The following SMG7 variants were observed in gnomAD, a reference collection of about 807,000 sequenced individuals.
The protein encoded by SMG7 is SMG7 nonsense mediated mRNA decay factor.
SMG7 carries 34 observed loss-of-function variants against 148.2 expected under a neutral mutation model. The ratio of observed to expected loss-of-function variants is 0.23; its 90% CI spans 0.17 to 0.31. The LOEUF (loss-of-function observed/expected upper bound fraction) is 0.31, where lower values mean the gene tolerates loss of function less well. Ranked by LOEUF, SMG7 falls within the 10% of genes least tolerant of loss-of-function variation. SMG7 has a pLI of 1.00. For missense variants in SMG7, 1,114 were observed against 1,408.4 expected, an observed-to-expected ratio of 0.79 and a Z score of 3.35; for synonymous variants, 492 against 515.1, an observed-to-expected ratio of 0.96 and a Z score of 0.61.
chr1:183,477,897 G>C (rs1653070538), intron 1 of SMG7, among the ~76,000 whole-genome samples: 1 of 152,096 alleles, frequency 6.6e-6, no homozygotes, highest in Non-Finnish European at 1.5e-5. Flanking sequence ...TCACTTGTCA[G>C]AAGTTTTGTT....
At chr1:183,485,681 T>TAA (rs1171557700) in intron 1 of SMG7, among the ~76,000 whole-genome samples, 1 of 152,226 alleles carries the variant, frequency 6.6e-6, no homozygotes, top group African/African-American at 2.4e-5. Context: ...TTTTTGTGGA[T>TAA]AACTTCACTG....
chr1:183,497,393 G>A (rs1349276428), intron 1 of SMG7, among the ~76,000 whole-genome samples: 4 of 152,132 alleles, frequency 2.6e-5, no homozygotes. Context: ...AAGTCTCAGT[G>A]TCACATTTAC....
intron 5 of SMG7, 58 bp downstream of exon 5, chr1:183,526,825 A>G (rs951867300): frequency 9.1e-6 from 13 of 1,433,516 alleles, no homozygotes; most frequent in East Asian, 4.7e-5. Flanking sequence ...TGGAATAGTC[A>G]TAGAAAGAAA....
intron 1 of SMG7, among the ~76,000 whole-genome samples, chr1:183,503,937 A>G (rs539058848): frequency 6.6e-6 from 1 of 152,340 alleles, no homozygotes; most frequent in Admixed American, 6.5e-5. Flanking sequence ...TTTCCATTAC[A>G]TAAAACTGCC....
chr1:183,547,682 A>G (rs888127024), intron 18 of SMG7, among the ~76,000 whole-genome samples: 2 of 152,164 alleles, frequency 1.3e-5, no homozygotes, highest in East Asian at 3.8e-4. Context: ...TTTGACTGAC[A>G]TTACTGAACA....
intron 15 of SMG7, 55 bp from the exon 16 acceptor site, chr1:183,544,875 T>C: frequency 2.6e-6 from 4 of 1,563,984 alleles, no homozygotes; most frequent in Non-Finnish European, 2.6e-6. Flanking sequence ...AATGACTTTT[T>C]TTGCAATTTT....
chr1:183,525,017 G>C (rs139318105), intron 4 of SMG7, among the ~76,000 whole-genome samples: 17 of 152,044 alleles, frequency 1.1e-4, no homozygotes, highest in African/African-American at 3.1e-4. Flanking sequence ...TTGTTTACTG[G>C]GTGTCTGATA....
At chr1:183,538,511 T>G (rs774608021) in intron 12 of SMG7, 71 bp downstream of exon 12, 47 of 1,055,000 alleles carry the variant, frequency 4.5e-5, no homozygotes, top group Non-Finnish European at 6.6e-5. Flanking sequence ...GAATTGGGCT[T>G]GGATGTAGAG....
chr1:183,541,348 T>C (rs756842409), intron 13 of SMG7, among the ~76,000 whole-genome samples: 19 of 152,248 alleles, frequency 1.2e-4, no homozygotes, highest in Non-Finnish European at 1.9e-4. Flanking sequence ...CAGAGGTCTT[T>C]CTTGTTTATC....
chr1:183,542,925 ATATGTGTGTGTGTGTGTGTGTG>A (rs1167152284), intron 14 of SMG7, among the ~76,000 whole-genome samples: 8 of 141,586 alleles, frequency 5.7e-5, no homozygotes, highest in African/African-American at 8.3e-5. Flanking sequence ...TAATATATAT[ATATGTGTGTGTGTGTGTGTGTG>A]TGTGTGTGTG....
intron 1 of SMG7, among the ~76,000 whole-genome samples, chr1:183,511,114 T>C (rs1486324648): frequency 1.3e-5 from 2 of 151,430 alleles, no homozygotes; most frequent in Non-Finnish European, 2.9e-5. Context: ...CTGGGCAACA[T>C]AGCAAGGCCC....
Position 183,552,626 on chromosome 1 carries a change from A to C in SMG7, c.*695A>C. 2.9e-6 allele frequency: 3 copies of C among 1,049,118 alleles called. No homozygotes were observed. The highest frequency in any genetic ancestry group is 8.1e-5 in the East Asian group (1 of 12,380). The allele number at this position is 1,049,118 out of a possible 1,614,324, so 65.0% of individuals were successfully genotyped here. A position where few individuals can be genotyped will look rare whatever the true frequency, so the allele number is the denominator to read the frequency against. On this transcript the variant is annotated 3_prime_UTR_variant, in exon 23 of 23. Coordinates refer to ENST00000688051, the MANE Select transcript of SMG7 (RefSeq NM_001375584.1). ...TCTGGCCAGGAGACTCCAGCAGGGA[A>C]TGCCCTTCACTCTGTAGGTGCTCGA...
At position 183,545,202 on chromosome 1, in the gene SMG7, C is replaced by G. The variant is rs990980422; in HGVS notation, c.2260C>G (p.Gln754Glu). The change falls in exon 16 of 23, where the codon CAG becomes GAG. Residue 754 changes from glutamine to glutamate, a missense_variant. Gln to Glu is a conservative substitution (Grantham distance 29). Transcript: ENST00000688051. The stretch of plus-strand genomic sequence containing the variant: ...ATCTTTACCAGCTCAGCCAACAGCA[C>G]AGTCTACAAGCCAGCTGCAGGTTCA... The part of the protein sequence containing the change: ...LTSLPAQPTA[Q>E]STSQLQVQAL... 3 of 1,614,054 alleles carry G rather than the reference C, an allele frequency of 1.9e-6. No individual in the cohort carries two copies. In the African/African-American group the frequency reaches 4.0e-5, roughly 22 times the overall value.
At chr1:183,535,660 A>C (rs531841715) in intron 10 of SMG7, among the ~76,000 whole-genome samples, 1 of 152,228 alleles carries the variant, frequency 6.6e-6, no homozygotes, top group South Asian at 2.1e-4. Flanking sequence ...CAATTTCTAG[A>C]ATTTACTTTC....
At position 183,551,887 on chromosome 1, in the gene SMG7, C is replaced by T; in HGVS notation, c.3520C>T (p.Gln1174Ter). ...GGAGCAGCTGTTAATGCAGCAGAAG[C>T]AGAAACAGCAACGGGGACAAGGCAC... ...ALEQLLMQQK[Q>*]KQQRGQGTMN... Residue 1174 changes from glutamine (Q) to a stop codon, truncating the protein, a stop_gained, in exon 23 of 23, where the codon CAG (glutamine) becomes TAG (stop). Coordinates refer to ENST00000688051, the MANE Select transcript of SMG7 (RefSeq NM_001375584.1). LOFTEE classifies it high-confidence loss of function. The T allele has an allele frequency of 6.2e-7, 1 of 1,613,798 alleles. No homozygotes were observed. Among genetic ancestry groups the T allele is most frequent in the Non-Finnish European group, 8.5e-7 (1 of 1,179,816 alleles).
chr1:183,516,019 C>A, intron 3 of SMG7, 28 bp downstream of exon 3: 2 of 1,330,356 alleles, frequency 1.5e-6, no homozygotes, highest in Non-Finnish European at 1.1e-6. Flanking sequence ...TTTGAGAAGT[C>A]CCTGTAAGAT....
At chr1:183,550,947 C>CA in intron 21 of SMG7, 26 bp downstream of exon 21, 1 of 1,613,810 alleles carries the variant, frequency 6.2e-7, no homozygotes, top group Non-Finnish European at 8.5e-7. Context: ...CATTGCCAGG[C>CA]AAAATTGAAA....
intron 18 of SMG7, among the ~76,000 whole-genome samples, chr1:183,548,266 G>T (rs1009432298): frequency 6.6e-6 from 1 of 152,184 alleles, no homozygotes; most frequent in East Asian, 1.9e-4. Context: ...GACTTAAATG[G>T]TAGCAGTGCC....
At chr1:183,492,096 G>A (rs995189239) in intron 1 of SMG7, among the ~76,000 whole-genome samples, 4 of 152,186 alleles carry the variant, frequency 2.6e-5, no homozygotes, top group Admixed American at 1.3e-4. Flanking sequence ...TTTGGAGGAG[G>A]AGGCACAAGC....
Sources: allele counts gnomAD v4.1 joint callset (sites outside exome capture counted in the v4.1 genomes callset), GRCh38; gene constraint gnomAD v4.1.1; transcripts MANE v1.5; gene names NCBI Gene and HGNC (gene_info 2026-07-23, HGNC 2026-07-21).